TRDN: variants seen among roughly 807,000 people sequenced by gnomAD.
The protein encoded by TRDN is triadin.
Under a neutral mutation model 149.7 loss-of-function variants are expected in TRDN, and 161 were observed. The ratio of observed to expected loss-of-function variants is 1.08; its 90% CI spans 0.95 to 1.23. TRDN has a LOEUF of 1.23. TRDN is among the 50% of genes most tolerant of loss of function. The pLI is 0.00. For missense variants in TRDN, 896 were observed against 823.5 expected (o/e 1.09, Z -1.08); for synonymous variants, 294 against 250.5 (o/e 1.17, Z -1.64).
At chr6:123,423,593 T>G (rs1773996273) in intron 12 of TRDN, among the ~76,000 whole-genome samples, 1 of 152,162 alleles carries the variant, frequency 6.6e-6, no homozygotes, top group African/African-American at 2.4e-5. Flanking sequence ...AAACATTTAG[T>G]TTGAAAATTA....
At chr6:123,579,420 T>C (rs571571510) in intron 1 of TRDN, among the ~76,000 whole-genome samples, 3 of 152,340 alleles carry the variant, frequency 2.0e-5, no homozygotes, top group East Asian at 3.9e-4. Context: ...TATCTTTGGT[T>C]CCATTTATTT....
chr6:123,605,677 T>C (rs1024142915), intron 1 of TRDN, among the ~76,000 whole-genome samples: 5 of 151,806 alleles, frequency 3.3e-5, no homozygotes, highest in Admixed American at 3.3e-4. Context: ...GGCAGGAGAA[T>C]TGCTTGAACC....
intron 38 of TRDN, among the ~76,000 whole-genome samples, chr6:123,250,895 T>C (rs1183378413): frequency 2.6e-5 from 4 of 152,136 alleles, no homozygotes; most frequent in African/African-American, 7.2e-5. Context: ...TGTGCTTACT[T>C]CCCACTTCTT....
intron 38 of TRDN, among the ~76,000 whole-genome samples, 195 bp downstream of exon 38, chr6:123,252,217 G>T: frequency 6.6e-6 from 1 of 151,432 alleles, no homozygotes. Flanking sequence ...GTTACAAGTT[G>T]TAATTTCAAA....
At chr6:123,422,890 T>C (rs1037384897) in intron 12 of TRDN, among the ~76,000 whole-genome samples, 4 of 152,102 alleles carry the variant, frequency 2.6e-5, no homozygotes, top group Non-Finnish European at 5.9e-5. Flanking sequence ...CAGATAATAA[T>C]AATAAGGTTG....
intron 1 of TRDN, among the ~76,000 whole-genome samples, chr6:123,613,855 C>T (rs1784932542): frequency 6.6e-6 from 1 of 151,924 alleles, no homozygotes; most frequent in Admixed American, 6.6e-5. Context: ...GTGAACTTTC[C>T]TTCTTAAAAA....
At chr6:123,629,422 C>CA (rs1785853979) in intron 1 of TRDN, among the ~76,000 whole-genome samples, 1 of 152,074 alleles carries the variant, frequency 6.6e-6, no homozygotes, top group Non-Finnish European at 1.5e-5. Context: ...AATGATGCAG[C>CA]AAATGCGTAG....
At chr6:123,292,638 T>C (rs985206471) in intron 24 of TRDN, among the ~76,000 whole-genome samples, 4 of 152,228 alleles carry the variant, frequency 2.6e-5, no homozygotes, top group East Asian at 1.9e-4. Context: ...ACAACCAAAA[T>C]GGAAGGGCCC....
intron 12 of TRDN, among the ~76,000 whole-genome samples, chr6:123,412,541 A>G (rs999077901): frequency 6.6e-6 from 1 of 152,058 alleles, no homozygotes; most frequent in African/African-American, 2.4e-5. Context: ...GAAATGTCCT[A>G]TTTTTCTTCC....
At chr6:123,409,698 C>CACAA (rs1332939221) in intron 12 of TRDN, among the ~76,000 whole-genome samples, 5 of 151,326 alleles carry the variant, frequency 3.3e-5, no homozygotes, top group Non-Finnish European at 7.4e-5. Context: ...TTTACACACA[C>CACAA]ACACACACAC....
intron 39 of TRDN, among the ~76,000 whole-genome samples, chr6:123,222,330 C>T (rs1775180037): frequency 6.6e-6 from 1 of 151,560 alleles, no homozygotes; most frequent in African/African-American, 2.4e-5. Flanking sequence ...CCACTAGTTT[C>T]AGCATCAATT....
At chr6:123,227,814 C>A (rs1193305175) in intron 38 of TRDN, among the ~76,000 whole-genome samples, 5 of 151,852 alleles carry the variant, frequency 3.3e-5, no homozygotes, top group Non-Finnish European at 1.5e-5. Context: ...ATGACGCCAT[C>A]CTGGCTCACT....
chr6:123,633,044 T>C (rs1430622132), intron 1 of TRDN, among the ~76,000 whole-genome samples: 1 of 152,086 alleles, frequency 6.6e-6, no homozygotes, highest in African/African-American at 2.4e-5. Context: ...ATTCCACACA[T>C]AGTGCAATAA....
At chr6:123,280,429 C>T (rs977559677) in intron 24 of TRDN, among the ~76,000 whole-genome samples, 5 of 152,192 alleles carry the variant, frequency 3.3e-5, no homozygotes, top group African/African-American at 9.6e-5. Flanking sequence ...TTCCATTCCA[C>T]GTAAACTTTA....
At chr6:123,434,076 A>T (rs1384581112) in intron 12 of TRDN, 3 of 152,122 alleles carry the variant, frequency 2.0e-5, no homozygotes, top group South Asian at 2.1e-4. Flanking sequence ...GGAATTGCCA[A>T]ATTTGATCAT....
chr6:123,323,851 C>G (rs1443668449), intron 23 of TRDN, among the ~76,000 whole-genome samples: 2 of 152,194 alleles, frequency 1.3e-5, no homozygotes, highest in Non-Finnish European at 2.9e-5. Context: ...TTTATGCCTA[C>G]TTATATGCTC....
At chr6:123,494,085 C>T (rs1180709606) in intron 9 of TRDN, among the ~76,000 whole-genome samples, 2 of 152,030 alleles carry the variant, frequency 1.3e-5, no homozygotes, top group Non-Finnish European at 2.9e-5. Context: ...TTTCTTAAAC[C>T]TTCAAAATAA....
chr6:123,499,641 T>C (rs1411865280), intron 8 of TRDN, among the ~76,000 whole-genome samples: 2 of 138,570 alleles, frequency 1.4e-5, no homozygotes, highest in Non-Finnish European at 3.1e-5. Context: ...GAGGCAGAGG[T>C]TGCAGTGAGC....
chr6:123,285,069 G>A (rs1412682762), intron 24 of TRDN, among the ~76,000 whole-genome samples: 3 of 151,932 alleles, frequency 2.0e-5, no homozygotes, highest in Non-Finnish European at 2.9e-5. Context: ...AATCAGTATT[G>A]TGAAAATGAC....
Sources: allele counts gnomAD v4.1 joint callset (sites outside exome capture counted in the v4.1 genomes callset), GRCh38; gene constraint gnomAD v4.1.1; transcripts MANE v1.5; gene names NCBI Gene and HGNC (gene_info 2026-07-23, HGNC 2026-07-21).